LIMD1: variants seen among roughly 807,000 people sequenced by gnomAD.
LIMD1 encodes the protein LIM domain-containing protein 1.
LIMD1 carries 23 observed loss-of-function variants against 58.4 expected under a neutral mutation model. The ratio of observed to expected loss-of-function variants is 0.39; its 90% CI spans 0.28 to 0.56. The LOEUF (loss-of-function observed/expected upper bound fraction) is 0.56, where lower values mean the gene tolerates loss of function less well. Among genes scored for constraint, LIMD1 ranks in the 20% least tolerant of loss-of-function variants. The pLI is 0.57. For missense variants in LIMD1, 838 were observed against 855.5 expected, an observed-to-expected ratio of 0.98 and a Z score of 0.25; for synonymous variants, 334 against 345.5, an observed-to-expected ratio of 0.97 and a Z score of 0.37.
At chr3:45,599,003 C>T (rs961778204) in intron 1 of LIMD1, among the ~76,000 whole-genome samples, 5 of 152,132 alleles carry the variant, frequency 3.3e-5, no homozygotes, top group African/African-American at 9.7e-5. Context: ...TACTTACTGG[C>T]GGTGTCACAG....
chr3:45,600,775 G>A (rs1295633134), intron 1 of LIMD1, among the ~76,000 whole-genome samples: 1 of 152,120 alleles, frequency 6.6e-6, no homozygotes, highest in Non-Finnish European at 1.5e-5. Flanking sequence ...TAAGGAAAAA[G>A]GACACAAGCC....
In LIMD1 at chr3:45,595,222, G is replaced by A. The variant is rs764424744; in HGVS notation, c.343G>A (p.Gly115Arg). ...TCTTGCTGCCTCGACAGGGGCACCT[G>A]GGGCAGTCACCACCCTCGCTGCTGG... ...PPLAASTGAP[G>R]AVTTLAAGQP... The change falls in exon 1 of 8, where the codon GGG becomes AGG. Residue 115 changes from glycine (G) to arginine (R), a missense_variant. Gly to Arg is a moderately radical substitution (Grantham distance 125). Around this residue, in one of 3 missense-constraint regions of LIMD1, gnomAD observed 659 missense variants for 639.8 expected, o/e 1.03. Coordinates refer to ENST00000273317, the MANE Select transcript of LIMD1 (RefSeq NM_014240.3). 4.4e-6 allele frequency: 7 copies of A among 1,602,718 alleles called. No individual in the cohort carries two copies. The highest frequency in any genetic ancestry group is 6.0e-6 in the Non-Finnish European group (7 of 1,174,338).
chr3:45,682,362 TA>T lies in LIMD1; in HGVS notation c.*5304del, dbSNP rs1697755760. 3 of 152,242 alleles carry T rather than the reference TA, an allele frequency of 2.0e-5. No individual in the cohort carries two copies. The highest frequency in any genetic ancestry group is 4.4e-5 in the Non-Finnish European group (3 of 68,070). 9.4% of individuals were successfully genotyped at this position (152,242 alleles called of 1,614,324 possible). On this transcript the variant is annotated 3_prime_UTR_variant, in exon 8 of 8. Coordinates refer to ENST00000273317, the MANE Select transcript of LIMD1 (RefSeq NM_014240.3). ...AGCCTTGATATGGAGTGTTTGCTGA[TA>T]CCTATGATGTAAATATTCCCGCCAT...
chr3:45,673,337 A>G, intron 5 of LIMD1, 117 bp from the exon 6 acceptor site: 1 of 776,960 alleles, frequency 1.3e-6, no homozygotes, highest in South Asian at 1.5e-5. Flanking sequence ...ATGAGGGAGG[A>G]GAGCAAGGGG....
chr3:45,616,233 G>T (rs1301178300), intron 1 of LIMD1, among the ~76,000 whole-genome samples: 1 of 152,076 alleles, frequency 6.6e-6, no homozygotes, highest in Non-Finnish European at 1.5e-5. Flanking sequence ...ACCCCAACAG[G>T]GATCTCTTGC....
intron 1 of LIMD1, among the ~76,000 whole-genome samples, chr3:45,609,930 A>G (rs1399502190): frequency 1.3e-5 from 2 of 152,194 alleles, no homozygotes; most frequent in Admixed American, 6.5e-5. Flanking sequence ...GCGGTGGCCC[A>G]TGCCTGTAAT....
At chr3:45,617,950 C>T (rs1701590460) in intron 1 of LIMD1, among the ~76,000 whole-genome samples, 1 of 152,202 alleles carries the variant, frequency 6.6e-6, no homozygotes, top group Non-Finnish European at 1.5e-5. Context: ...TTCAGAGCAT[C>T]TCTAAAATCT....
At chr3:45,622,856 C>T (rs1311192968) in intron 1 of LIMD1, among the ~76,000 whole-genome samples, 1 of 151,952 alleles carries the variant, frequency 6.6e-6, no homozygotes, top group African/African-American at 2.4e-5. Context: ...TTAGTAGAGA[C>T]AGGGTTTCAC....
rs1697751779 is a variant in LIMD1 at position 45,681,998 on chromosome 3, T to G, written c.*4939T>G. On this transcript the variant is annotated 3_prime_UTR_variant, in exon 8 of 8. Coordinates refer to ENST00000273317, the MANE Select transcript of LIMD1 (RefSeq NM_014240.3). Reference sequence around the variant, plus strand: ...ACAGCCACATGCAGGAAGACAGGACTTGTAGAGTGTTGGGGCCAAGTGTGT... The same window carrying G: ...ACAGCCACATGCAGGAAGACAGGACGTGTAGAGTGTTGGGGCCAAGTGTGT... 1 of 152,146 alleles carries G rather than the reference T, an allele frequency of 6.6e-6. No individual in the cohort carries two copies. The highest frequency in any genetic ancestry group is 2.1e-4 in the South Asian group (1 of 4,828). 9.4% of individuals were successfully genotyped at this position (152,146 alleles called of 1,614,324 possible). A position where few individuals can be genotyped will look rare whatever the true frequency, so the allele number is the denominator to read the frequency against.
Position 45,636,250 on chromosome 3 carries a change from C to T in LIMD1, c.1509C>T (p.Cys503=). 1 of 1,602,942 alleles carries T rather than the reference C, an allele frequency of 6.2e-7. No individual in the cohort carries two copies. The highest frequency in any genetic ancestry group is 1.1e-5 in the South Asian group (1 of 89,608). The change falls in exon 2 of 8, where the codon TGC becomes TGT. Residue 503 remains cysteine (C), a splice_region_variant and synonymous_variant. Transcript: ENST00000273317. ...YHDTCFTCAA[C]SRKLRGKAFY... ...ACACATGCTTCACCTGTGCAGCTTG[C>T]AGTAAGTGTGGGTGTGGGTGTCGGG...
chr3:45,634,320 G>T (rs560245739), intron 1 of LIMD1, among the ~76,000 whole-genome samples: 1 of 152,236 alleles, frequency 6.6e-6, no homozygotes, highest in Admixed American at 6.5e-5. Context: ...CTGTAATGGG[G>T]GAGTTCTTTG....
At chr3:45,616,524 T>G (rs1701577770) in intron 1 of LIMD1, among the ~76,000 whole-genome samples, 1 of 152,092 alleles carries the variant, frequency 6.6e-6, no homozygotes, top group South Asian at 2.1e-4. Context: ...GCCAAAGTCC[T>G]GAAAGTAGCC....
chr3:45,642,828 G>A (rs563889409), intron 2 of LIMD1, among the ~76,000 whole-genome samples: 1 of 152,172 alleles, frequency 6.6e-6, no homozygotes, highest in Non-Finnish European at 1.5e-5. Context: ...TGTGGTGTGG[G>A]CGTTTGTGTG....
intron 2 of LIMD1, among the ~76,000 whole-genome samples, chr3:45,637,643 A>G (rs913292252): frequency 6.6e-6 from 1 of 152,128 alleles, no homozygotes; most frequent in Non-Finnish European, 1.5e-5. Context: ...AGGGCTGACT[A>G]CCATTGGTTT....
At chr3:45,615,138 T>C (rs1701564534) in intron 1 of LIMD1, among the ~76,000 whole-genome samples, 1 of 152,084 alleles carries the variant, frequency 6.6e-6, no homozygotes, top group South Asian at 2.1e-4. Flanking sequence ...CATAAACAAA[T>C]GAAGACCCAA....
At position 45,677,615 on chromosome 3, in the gene LIMD1, A is replaced by G. The variant is rs930514775; in HGVS notation, c.*556A>G. 6.5e-6 allele frequency: 1 copy of G among 152,674 alleles called. No homozygotes were observed. The highest frequency in any genetic ancestry group is 1.5e-5 in the Non-Finnish European group (1 of 68,378). 9.5% of individuals were successfully genotyped at this position (152,674 alleles called of 1,614,324 possible). A position where few individuals can be genotyped will look rare whatever the true frequency, so the allele number is the denominator to read the frequency against. ...TGCATTAAGGCAAGAAGGAAGCTCT[A>G]ATGTGTGCTTTGTATCCTAAGATAA... On this transcript the variant is annotated 3_prime_UTR_variant, in exon 8 of 8. Transcript: ENST00000273317.
At chr3:45,626,149 A>C (rs1177782992) in intron 1 of LIMD1, among the ~76,000 whole-genome samples, 1 of 152,240 alleles carries the variant, frequency 6.6e-6, no homozygotes, top group South Asian at 2.1e-4. Context: ...TTTTTAAAAG[A>C]ATCTTGTATA....
chr3:45,627,762 C>T (rs1701680352), intron 1 of LIMD1, among the ~76,000 whole-genome samples: 1 of 148,080 alleles, frequency 6.8e-6, no homozygotes, highest in Admixed American at 6.7e-5. Context: ...AATCCCAGCA[C>T]TTTGGGAGGC....
In LIMD1 at chr3:45,685,818, T is replaced by G. The variant is rs1434294153; in HGVS notation, c.*8759T>G. The G allele has an allele frequency of 6.6e-6, 1 of 152,246 alleles. No homozygotes were observed. The highest frequency in any genetic ancestry group is 1.5e-5 in the Non-Finnish European group (1 of 68,050). The allele number at this position is 152,246 out of a possible 1,614,324, so 9.4% of individuals were successfully genotyped here. A position where few individuals can be genotyped will look rare whatever the true frequency, so the allele number is the denominator to read the frequency against. On this transcript the variant is annotated 3_prime_UTR_variant, in exon 8 of 8. Transcript: ENST00000273317. ...TAACAACTGAATTTACCTCATGGGA[T>G]TGTGTAATGCCCAACCTTGTTTTTA...
Sources: gnomAD v4.1 joint callset for allele counts (sites outside exome capture counted in the v4.1 genomes callset) on GRCh38, gnomAD v4.1.1 for gene constraint, gnomAD v4.1.1 regional missense constraint, MANE v1.5 for transcripts, NCBI Gene and HGNC (gene_info 2026-07-23, HGNC 2026-07-21) for gene names.